Variants in TSPAN13 observed in about 807,000 individuals in gnomAD.
The protein encoded by TSPAN13 is tetraspanin-13.
A neutral mutation model predicts 26.9 loss-of-function variants in TSPAN13; 18 were observed. That is an observed-to-expected ratio of 0.67 (90% CI 0.46 to 0.99). The LOEUF (loss-of-function observed/expected upper bound fraction) is 0.99. TSPAN13 is among the 50% of genes least tolerant of loss of function. The probability of loss-of-function intolerance (pLI) is 0.00; values close to 1 mark genes in which losing one functional copy is unlikely to be tolerated. For missense variants in TSPAN13, 201 were observed against 249.6 expected, an observed-to-expected ratio of 0.81 and a Z score of 1.31; for synonymous variants, 116 against 98.4, an observed-to-expected ratio of 1.18 and a Z score of -1.06.
chr7:16,779,011 TAA>T lies in TSPAN13; in HGVS notation c.438_439del (p.Ser147Ter). ...PNDTCLASCV[K>X]SDHSCSPCAP... is the part of the protein sequence containing the mutation. ...TACTTTAATTGGTGCAGAGCTGTGTTAAAAGTGACCACTCGTGCTCGCCATGT... is the reference window on the plus strand; with the variant it reads ...TACTTTAATTGGTGCAGAGCTGTGTTAAGTGACCACTCGTGCTCGCCATGT... On this transcript the variant is annotated frameshift_variant, in exon 5 of 6. Transcript: ENST00000262067. LOFTEE classifies it high-confidence loss of function. The T allele has an allele frequency of 6.2e-7, 1 of 1,612,364 alleles. No homozygotes were observed. The highest frequency in any genetic ancestry group is 1.1e-5 in the South Asian group (1 of 90,636).
chr7:16,784,331 G>T lies in TSPAN13; in HGVS notation c.*840G>T, dbSNP rs1784848221. 1 of 152,120 alleles carries T rather than the reference G, an allele frequency of 6.6e-6. No individual in the cohort carries two copies. The highest frequency in any genetic ancestry group is 6.6e-5 in the Admixed American group (1 of 15,260). The allele number at this position is 152,120 out of a possible 1,614,324, so 9.4% of individuals were successfully genotyped here. On this transcript the variant is annotated 3_prime_UTR_variant, in exon 6 of 6. Coordinates refer to ENST00000262067, the MANE Select transcript of TSPAN13 (RefSeq NM_014399.4). ...AAGATATTTGATTATCTTAAAAATT[G>T]TTAAATACCGTTTTCATGAAATTTC...
chr7:16,769,401 A>G (rs919774007), intron 1 of TSPAN13, among the ~76,000 whole-genome samples: 1 of 152,146 alleles, frequency 6.6e-6, no homozygotes, highest in African/African-American at 2.4e-5. Context: ...AGCAGATACA[A>G]GCTTTTCTCC....
At position 16,753,799 on chromosome 7, in the gene TSPAN13, C is replaced by T. The variant is rs1439384746; in HGVS notation, c.-169C>T. The T allele has an allele frequency of 1.8e-5, 4 of 227,922 alleles. No individual in the cohort carries two copies. The highest frequency in any genetic ancestry group is 1.1e-4 in the South Asian group (3 of 26,780). The allele number at this position is 227,922 out of a possible 1,614,324, so 14.1% of individuals were successfully genotyped here. A position where few individuals can be genotyped will look rare whatever the true frequency, so the allele number is the denominator to read the frequency against. ...CGCAGGTTCCAAAGCGGGTCCGAGC[C>T]GCCGCCGCGCGCGCGCCGCGCACTG... On this transcript the variant is annotated 5_prime_UTR_variant, in exon 1 of 6. Transcript: ENST00000262067.
At chr7:16,768,899 C>A (rs1784642141) in intron 1 of TSPAN13, among the ~76,000 whole-genome samples, 1 of 152,004 alleles carries the variant, frequency 6.6e-6, no homozygotes. Context: ...TTTTTTGAGA[C>A]AGAGTCTTGC....
chr7:16,762,825 A>G (rs1784559622), intron 1 of TSPAN13, among the ~76,000 whole-genome samples: 1 of 152,172 alleles, frequency 6.6e-6, no homozygotes, highest in South Asian at 2.1e-4. Flanking sequence ...GCCAGGCAGA[A>G]GATGGTCTAA....
chr7:16,773,394 C>A (rs1784705157), intron 1 of TSPAN13, among the ~76,000 whole-genome samples: 1 of 149,924 alleles, frequency 6.7e-6, no homozygotes, highest in South Asian at 2.1e-4. Context: ...TATATGAATT[C>A]AAATTTTGGT....
At chr7:16,755,234 C>T (rs186301550) in intron 1 of TSPAN13, among the ~76,000 whole-genome samples, 1 of 152,306 alleles carries the variant, frequency 6.6e-6, no homozygotes, top group Non-Finnish European at 1.5e-5. Context: ...GAGAGGCTGC[C>T]TTGTGGTCAC....
At chr7:16,773,657 A>G (rs187462121) in intron 1 of TSPAN13, among the ~76,000 whole-genome samples, 37 of 152,328 alleles carry the variant, frequency 2.4e-4, no homozygotes, top group Non-Finnish European at 4.9e-4. Flanking sequence ...TTAATTTACT[A>G]TTTAAGCAGG....
At chr7:16,765,389 C>T (rs773459275) in intron 1 of TSPAN13, among the ~76,000 whole-genome samples, 6 of 152,224 alleles carry the variant, frequency 3.9e-5, no homozygotes, top group Non-Finnish European at 7.3e-5. Flanking sequence ...CAGGCATGAG[C>T]CACTGCGCCT....
At chr7:16,773,100 G>A (rs1784699808) in intron 1 of TSPAN13, among the ~76,000 whole-genome samples, 1 of 150,994 alleles carries the variant, frequency 6.6e-6, no homozygotes, top group South Asian at 2.1e-4. Context: ...CTGTTTATCT[G>A]AATTTTTTTG....
chr7:16,776,033 T>A (rs1374309836), intron 1 of TSPAN13, 178 bp from the exon 2 acceptor site: 1 of 513,464 alleles, frequency 1.9e-6, no homozygotes, highest in Admixed American at 3.8e-5. Context: ...ATGTAATTTG[T>A]TAAAACAATA....
intron 1 of TSPAN13, 24 bp from the exon 2 acceptor site, chr7:16,776,187 C>T: frequency 3.1e-6 from 5 of 1,610,764 alleles, no homozygotes; most frequent in Non-Finnish European, 4.2e-6. Context: ...GTCCTCTACC[C>T]CTGCCCCCTG....
chr7:16,774,527 A>G (rs1446883712), intron 1 of TSPAN13, among the ~76,000 whole-genome samples: 1 of 152,220 alleles, frequency 6.6e-6, no homozygotes, highest in Non-Finnish European at 1.5e-5. Context: ...GTCAGAAATA[A>G]GCTCACTTGT....
intron 1 of TSPAN13, 46 bp from the exon 2 acceptor site, chr7:16,776,165 C>T: frequency 1.3e-6 from 2 of 1,580,628 alleles, no homozygotes; most frequent in Non-Finnish European, 1.7e-6. Flanking sequence ...CCCATTCTCT[C>T]TCCTCTCTCT....
At chr7:16,770,474 T>C (rs1224754789) in intron 1 of TSPAN13, among the ~76,000 whole-genome samples, 1 of 152,196 alleles carries the variant, frequency 6.6e-6, no homozygotes, top group African/African-American at 2.4e-5. Context: ...CCTCCCAAAG[T>C]GTTGGGATTA....
Position 16,783,435 on chromosome 7 carries a change from A to T in TSPAN13, c.559A>T (p.Thr187Ser), listed in dbSNP as rs775124055. Residue 187 changes from threonine (T) to serine (S), a missense_variant, in exon 6 of 6, where the codon ACC (threonine) becomes TCC (serine). Thr to Ser is a moderately conservative substitution (Grantham distance 58). Transcript: ENST00000262067. ...ATTCCAGATCCTGGGTGTTTGGCTG[A>T]CCTACAGATACAGGAACCAGAAAGA... is the stretch of plus-strand genomic sequence containing the variant. Reference protein sequence around the residue: ...SFTEILGVWLTYRYRNQKDPR... With the variant: ...SFTEILGVWLSYRYRNQKDPR... 1.2e-6 allele frequency: 2 copies of T among 1,613,604 alleles called. No individual in the cohort carries two copies. The highest frequency in any genetic ancestry group is 1.7e-6 in the Non-Finnish European group (2 of 1,179,756).
chr7:16,778,866 G>C (rs1187935969), intron 4 of TSPAN13, 137 bp from the exon 5 acceptor site: 1 of 605,964 alleles, frequency 1.7e-6, no homozygotes, highest in Non-Finnish European at 2.9e-6. Context: ...GGCTGTGTTA[G>C]AGATTTGCAC....
chr7:16,754,003 C>T lies in TSPAN13; in HGVS notation c.36C>T (p.Cys12=). 2 of 1,613,746 alleles carry T rather than the reference C, an allele frequency of 1.2e-6. No individual in the cohort carries two copies. The highest frequency in any genetic ancestry group is 1.7e-6 in the Non-Finnish European group (2 of 1,179,814). ...GGGGCTTCGCGTGTTCCAAGAACTGCCTGTGCGCCCTCAACCTGCTTTACA... is the reference window on the plus strand; with the variant it reads ...GGGGCTTCGCGTGTTCCAAGAACTGTCTGTGCGCCCTCAACCTGCTTTACA... The part of the protein sequence containing the change: ...VCGGFACSKN[C]LCALNLLYTL... Residue 12 remains cysteine (C), a synonymous_variant, in exon 1 of 6, where the codon TGC becomes TGT. Coordinates refer to ENST00000262067, the MANE Select transcript of TSPAN13 (RefSeq NM_014399.4).
chr7:16,778,963 G>A (rs2115336702), intron 4 of TSPAN13, 40 bp from the exon 5 acceptor site: 1 of 1,446,104 alleles, frequency 6.9e-7, no homozygotes, highest in East Asian at 2.3e-5. Flanking sequence ...TTTTATAAAT[G>A]TATTTTGAAA....
Sources: allele counts gnomAD v4.1 joint callset (sites outside exome capture counted in the v4.1 genomes callset), GRCh38; gene constraint gnomAD v4.1.1; transcripts MANE v1.5; gene names NCBI Gene and HGNC (gene_info 2026-07-23, HGNC 2026-07-21).